EDDM13: variants seen among roughly 807,000 people sequenced by gnomAD.
The protein encoded by EDDM13 is epididymal protein 13.
In EDDM13, 24 loss-of-function variants were observed where a neutral mutation model predicts 17.8. That is an observed-to-expected ratio of 1.35 (90% CI 0.98 to 1.90). The LOEUF is 1.90. EDDM13 is among the 40% of genes most tolerant of loss of function. The probability of loss-of-function intolerance (pLI) is 0.00; values close to 1 mark genes in which losing one functional copy is unlikely to be tolerated. For synonymous variants in EDDM13, 31 were observed against 37.5 expected (o/e 0.83, Z 0.63); for missense variants, 97 against 100.8 (o/e 0.96, Z 0.16).
intron 2 of EDDM13, among the ~76,000 whole-genome samples, chr19:56,276,510 T>TTTTTC (rs944063170): frequency 2.7e-5 from 4 of 149,102 alleles, no homozygotes; most frequent in African/African-American, 9.7e-5. Flanking sequence ...AGAGCTCTTT[T>TTTTTC]TTTTTTTTTC....
chr19:56,289,612 G>T (rs2039378163), intron 8 of EDDM13, among the ~76,000 whole-genome samples: 2 of 152,120 alleles, frequency 1.3e-5, no homozygotes, highest in African/African-American at 4.8e-5. Flanking sequence ...TGGTCTGTTT[G>T]TTTGTTTTTG....
intron 2 of EDDM13, among the ~76,000 whole-genome samples, chr19:56,277,539 T>A (rs936287170): frequency 2.2e-5 from 3 of 136,306 alleles, no homozygotes; most frequent in Non-Finnish European, 4.8e-5. Flanking sequence ...GGGTGAGGGG[T>A]GGGGGAATTT....
intron 6 of EDDM13, among the ~76,000 whole-genome samples, chr19:56,287,346 C>T (rs530343155): frequency 4.0e-4 from 61 of 152,230 alleles, no homozygotes; most frequent in Non-Finnish European, 7.5e-4. Context: ...AGTCCAGCCT[C>T]GAGCACATGG....
At chr19:56,281,443 C>G (rs2038698646) in intron 2 of EDDM13, among the ~76,000 whole-genome samples, 1 of 152,176 alleles carries the variant, frequency 6.6e-6, no homozygotes. Context: ...AGAAGGGTTT[C>G]TAACACTCGT....
intron 1 of EDDM13, among the ~76,000 whole-genome samples, chr19:56,273,204 A>G (rs1419245190): frequency 6.6e-6 from 1 of 152,208 alleles, no homozygotes; most frequent in Non-Finnish European, 1.5e-5. Context: ...CATCTGACCA[A>G]CGGGGCTCAC....
rs2040962746 is a variant in EDDM13, at chr19:56,310,395, A to G, written c.*247A>G. 1.3e-5 allele frequency: 2 copies of G among 152,276 alleles called. No individual in the cohort carries two copies. The highest frequency in any genetic ancestry group is 4.1e-4 in the South Asian group (2 of 4,838). 9.4% of individuals were successfully genotyped at this position (152,276 alleles called of 1,614,324 possible). A position where few individuals can be genotyped will look rare whatever the true frequency, so the allele number is the denominator to read the frequency against. ...GAGTTTCCCCTAAAATCTCTCCTCC[A>G]GATCGTTCTCGAACTTTCCCCACTA... On this transcript the variant is annotated 3_prime_UTR_variant, in exon 15 of 15. Transcript: ENST00000649256.
At chr19:56,302,430 CCCTT>C (rs141392462) in intron 13 of EDDM13, among the ~76,000 whole-genome samples, 13,428 of 135,044 alleles carry the variant, frequency 0.099, 669 homozygotes, top group Middle Eastern at 0.12. Context: ...CTCCCTTTCT[CCCTT>C]CCTTCCTTTC....
chr19:56,301,472 T>G (rs1252054971), intron 12 of EDDM13, among the ~76,000 whole-genome samples: 3 of 152,178 alleles, frequency 2.0e-5, no homozygotes, highest in Non-Finnish European at 4.4e-5. Context: ...AGAGGTCACT[T>G]GAATCGCTAT....
At position 56,284,254 on chromosome 19, in the gene EDDM13, G is replaced by A. The variant is rs767920234; in HGVS notation, c.127+48G>A. On this transcript the variant is annotated intron_variant, in intron 5 of 14. Coordinates refer to ENST00000649256, the MANE Select transcript of EDDM13 (RefSeq NM_001354658.2). The stretch of plus-strand genomic sequence containing the variant: ...ATGCCCCCAGACTGTGCACTTTGGC[G>A]GGAAATTTTGGGCTTTGCTCTAGAA... 5.8e-5 allele frequency: 50 copies of A among 862,688 alleles called. No individual in the cohort carries two copies. In the African/African-American group the frequency reaches 5.8e-4, roughly 10 times the overall value. 53.4% of individuals were successfully genotyped at this position (862,688 alleles called of 1,614,324 possible).
intron 11 of EDDM13, among the ~76,000 whole-genome samples, chr19:56,297,046 G>A (rs1166364684): frequency 1.3e-5 from 2 of 150,860 alleles, no homozygotes; most frequent in Admixed American, 1.3e-4. Context: ...TCCAGCCTGG[G>A]TGACAAGAGC....
At chr19:56,303,112 G>A in intron 13 of EDDM13, 1 of 378,222 alleles carries the variant, frequency 2.6e-6, no homozygotes, top group Non-Finnish European at 4.7e-6. Context: ...ATTGAGGAGG[G>A]GAAGCAGGGG....
At chr19:56,309,868 G>C (rs940878337) in intron 14 of EDDM13, among the ~76,000 whole-genome samples, 6 of 152,316 alleles carry the variant, frequency 3.9e-5, no homozygotes, top group Admixed American at 6.5e-5. Flanking sequence ...ACTTGCCCTG[G>C]TGATGGGGCA....
At chr19:56,307,309 C>T (rs1014631912) in intron 14 of EDDM13, among the ~76,000 whole-genome samples, 2 of 152,178 alleles carry the variant, frequency 1.3e-5, no homozygotes, top group African/African-American at 4.8e-5. Flanking sequence ...ATACCCCCAC[C>T]CCCTGCTGCA....
At chr19:56,278,660 G>A (rs549110386) in intron 2 of EDDM13, among the ~76,000 whole-genome samples, 68 of 152,356 alleles carry the variant, frequency 4.5e-4, no homozygotes, top group African/African-American at 1.6e-3. Flanking sequence ...GCAAGCTGCA[G>A]AACCAGGAGG....
intron 14 of EDDM13, among the ~76,000 whole-genome samples, chr19:56,308,737 T>C (rs2040858394): frequency 6.6e-6 from 1 of 152,060 alleles, no homozygotes; most frequent in African/African-American, 2.4e-5. Flanking sequence ...TCCTCCTCAG[T>C]CCTCAAGATT....
intron 1 of EDDM13, among the ~76,000 whole-genome samples, chr19:56,273,198 T>G (rs985351201): frequency 1.8e-4 from 27 of 152,366 alleles, no homozygotes; most frequent in African/African-American, 6.0e-4. Context: ...TGTCCTCATC[T>G]GACCAACGGG....
Position 56,309,927 on chromosome 19 carries a change from C to T in EDDM13, c.462-197C>T, listed in dbSNP as rs139388171. ...GGGAAGCGTGTTCCAGCTGCTGGAA[C>T]AGCCCGGTGGGAATAGGGACAAACT... On this transcript the variant is annotated intron_variant, in intron 14 of 14. Transcript: ENST00000649256. Among the ~76,000 whole-genome samples, 917 of 152,148 alleles carry T rather than the reference C, an allele frequency of 6.0e-3. 7 individuals carry two copies. Among genetic ancestry groups the T allele is most frequent in the African/African-American group, 0.016 (674 of 41,522 alleles).
chr19:56,307,295 C>T (rs185977682), intron 14 of EDDM13, among the ~76,000 whole-genome samples: 28 of 152,278 alleles, frequency 1.8e-4, no homozygotes, highest in African/African-American at 5.8e-4. Flanking sequence ...CTCGATCATA[C>T]GATATACCCC....
At chr19:56,275,836 T>C (rs530503246) in intron 1 of EDDM13, among the ~76,000 whole-genome samples, 2 of 152,336 alleles carry the variant, frequency 1.3e-5, no homozygotes, top group East Asian at 3.9e-4. Flanking sequence ...ACACCAAACA[T>C]GGGCCAATGC....
Sources: allele counts gnomAD v4.1 joint callset (sites outside exome capture counted in the v4.1 genomes callset), GRCh38; gene constraint gnomAD v4.1.1; transcripts MANE v1.5; gene names NCBI Gene and HGNC (gene_info 2026-07-23, HGNC 2026-07-21).